The following TMED8 variants were observed in gnomAD, a reference collection of about 807,000 sequenced individuals.
TMED8 encodes the protein protein TMED8.
Under a neutral mutation model 32.7 loss-of-function variants are expected in TMED8, and 15 were observed. The observed-to-expected ratio is 0.46, with a 90% CI of 0.31 to 0.71. TMED8 has a LOEUF of 0.71. Ranked by LOEUF, TMED8 falls within the 30% of genes least tolerant of loss-of-function variation. TMED8 has a pLI of 0.06. For synonymous variants in TMED8, 147 were observed against 161.4 expected (o/e 0.91, Z 0.68); for missense variants, 390 against 423.9 (o/e 0.92, Z 0.70).
Position 77,337,954 on chromosome 14 carries a change from C to T in TMED8, c.*3817G>A, listed in dbSNP as rs181907703. On this transcript the variant is annotated 3_prime_UTR_variant, in exon 6 of 6. Transcript: ENST00000216468. Reference sequence around the variant, plus strand: ...AAAAATAAATTCTAAATCCCCCAACCGGCTGAATGGACCCCTGTCTTGGCC... The same window carrying T: ...AAAAATAAATTCTAAATCCCCCAACTGGCTGAATGGACCCCTGTCTTGGCC... 1.7e-4 allele frequency: 26 copies of T among 152,178 alleles called. No homozygotes were observed. Among genetic ancestry groups the T allele is most frequent in the African/African-American group, 4.6e-4 (19 of 41,502 alleles). 9.4% of individuals were successfully genotyped at this position (152,178 alleles called of 1,614,324 possible).
chr14:77,373,332 A>G (rs1338649413), intron 1 of TMED8, among the ~76,000 whole-genome samples: 2 of 151,954 alleles, frequency 1.3e-5, no homozygotes, highest in African/African-American at 4.8e-5. Flanking sequence ...AAACAAAAAA[A>G]CCTGCCTTTA....
In TMED8 at chr14:77,346,225, A is replaced by G. The variant is rs1320422106; in HGVS notation, c.327+124T>C. 7 of 1,009,974 alleles carry G rather than the reference A, an allele frequency of 6.9e-6. No homozygotes were observed. In the African/African-American group the frequency reaches 9.7e-5, roughly 14 times the overall value. The allele number at this position is 1,009,974 out of a possible 1,614,324, so 62.6% of individuals were successfully genotyped here. A position where few individuals can be genotyped will look rare whatever the true frequency, so the allele number is the denominator to read the frequency against. On this transcript the variant is annotated intron_variant, in intron 3 of 5. Transcript: ENST00000216468. Reference sequence around the variant, plus strand: ...AATAATGAAGACCAAGATGCCCTAAATTAGAGGGCAAAGAGAGAATTCCGG... The same window carrying G: ...AATAATGAAGACCAAGATGCCCTAAGTTAGAGGGCAAAGAGAGAATTCCGG...
At chr14:77,348,702 G>A (rs1014977256) in intron 2 of TMED8, among the ~76,000 whole-genome samples, 2 of 151,906 alleles carry the variant, frequency 1.3e-5, no homozygotes, top group Non-Finnish European at 2.9e-5. Context: ...TGGGGGAAAC[G>A]GAGGCTTCAT....
chr14:77,353,891 A>T (rs778879040), intron 1 of TMED8, among the ~76,000 whole-genome samples: 17 of 152,126 alleles, frequency 1.1e-4, no homozygotes, highest in Non-Finnish European at 2.4e-4. Flanking sequence ...AGGCCCATTC[A>T]CTGAGGGAAA....
chr14:77,363,170 T>C (rs1893475188), intron 1 of TMED8, among the ~76,000 whole-genome samples: 2 of 152,186 alleles, frequency 1.3e-5, no homozygotes, highest in African/African-American at 4.8e-5. Flanking sequence ...TTCTTCTCCA[T>C]TGCATATGTA....
rs1233136524 is a variant in TMED8, at chr14:77,335,861, G to C, written c.*5910C>G. The C allele has an allele frequency of 6.6e-6, 1 of 152,180 alleles. No homozygotes were observed. Among genetic ancestry groups the C allele is most frequent in the Non-Finnish European group, 1.5e-5 (1 of 68,020 alleles). The allele number at this position is 152,180 out of a possible 1,614,324, so 9.4% of individuals were successfully genotyped here. On this transcript the variant is annotated 3_prime_UTR_variant, in exon 6 of 6. Transcript: ENST00000216468. ...TACTTCACTTACAGGATAATCTCAG[G>C]AGACATGAGTGGAGTTTTTCATATG...
chr14:77,366,539 C>T (rs1185234678), intron 1 of TMED8, among the ~76,000 whole-genome samples: 3 of 152,190 alleles, frequency 2.0e-5, no homozygotes, highest in Non-Finnish European at 4.4e-5. Flanking sequence ...CTGCTTAAGA[C>T]AGCCAGAATT....
At chr14:77,355,271 C>T (rs1735435189) in intron 1 of TMED8, among the ~76,000 whole-genome samples, 2 of 151,120 alleles carry the variant, frequency 1.3e-5, no homozygotes, top group Admixed American at 1.3e-4. Context: ...TCTCAGCTCA[C>T]TGCAACCTCT....
rs535047913 is a variant in TMED8, at chr14:77,376,886, G to T, written c.118+50C>A. On this transcript the variant is annotated intron_variant, in intron 1 of 5. Transcript: ENST00000216468. This position sits in a 1 kb window ranked among gnomAD's most constrained non-coding sequence, Gnocchi z 4.0. Reference sequence around the variant, plus strand: ...GGCGGAGGCTCGCGCCGTGGTGCGGGGCCCTGAGGCCGGGCGGCACCCACC... The same window carrying T: ...GGCGGAGGCTCGCGCCGTGGTGCGGTGCCCTGAGGCCGGGCGGCACCCACC... 2 of 1,160,434 alleles carry T rather than the reference G, an allele frequency of 1.7e-6. No individual in the cohort carries two copies. The highest frequency in any genetic ancestry group is 1.1e-6 in the Non-Finnish European group (1 of 882,326). 71.9% of individuals were successfully genotyped at this position (1,160,434 alleles called of 1,614,324 possible). A position where few individuals can be genotyped will look rare whatever the true frequency, so the allele number is the denominator to read the frequency against.
Position 77,336,275 on chromosome 14 carries a change from G to C in TMED8, c.*5496C>G, listed in dbSNP as rs1892757531. The stretch of plus-strand genomic sequence containing the variant: ...ATAAACATGCATCTCTAGATTTCTA[G>C]GGCAACTTTTCATCATATCTTTGAA... On this transcript the variant is annotated 3_prime_UTR_variant, in exon 6 of 6. Transcript: ENST00000216468. 1 of 151,790 alleles carries C rather than the reference G, an allele frequency of 6.6e-6. No individual in the cohort carries two copies. Among genetic ancestry groups the C allele is most frequent in the African/African-American group, 2.4e-5 (1 of 41,286 alleles). 9.4% of individuals were successfully genotyped at this position (151,790 alleles called of 1,614,324 possible).
chr14:77,346,787 CATT>C (rs1230845231), intron 2 of TMED8, among the ~76,000 whole-genome samples: 51 of 47,216 alleles, frequency 1.1e-3, no homozygotes, highest in East Asian at 2.6e-3. Context: ...TTTTTTTTGT[CATT>C]GTTGTTTCTT....
At chr14:77,366,623 CTTAA>C (rs1473028343) in intron 1 of TMED8, among the ~76,000 whole-genome samples, 3 of 152,172 alleles carry the variant, frequency 2.0e-5, no homozygotes, top group Admixed American at 6.5e-5. Flanking sequence ...GAAATCTGAA[CTTAA>C]TTAAAGTACC....
intron 1 of TMED8, among the ~76,000 whole-genome samples, chr14:77,371,467 TTTC>T (rs1425182898): frequency 6.6e-6 from 1 of 152,242 alleles, no homozygotes; most frequent in Non-Finnish European, 1.5e-5. Context: ...TTTGATTTTT[TTTC>T]TTTCCATCCC....
intron 1 of TMED8, among the ~76,000 whole-genome samples, chr14:77,352,574 A>C (rs1304896199): frequency 6.6e-6 from 1 of 151,984 alleles, no homozygotes; most frequent in Non-Finnish European, 1.5e-5. Flanking sequence ...CCATGTCTCT[A>C]CTAAAAATAT....
chr14:77,353,518 C>T (rs1299370815), intron 1 of TMED8, among the ~76,000 whole-genome samples: 7 of 148,940 alleles, frequency 4.7e-5, no homozygotes, highest in African/African-American at 1.7e-4. Flanking sequence ...TTATGACTCT[C>T]GGCCTCTTGG....
At chr14:77,370,809 C>T (rs995664474) in intron 1 of TMED8, among the ~76,000 whole-genome samples, 3 of 151,586 alleles carry the variant, frequency 2.0e-5, no homozygotes, top group Non-Finnish European at 2.9e-5. Context: ...CATGCTTAGG[C>T]GTGGTGGTGC....
intron 1 of TMED8, among the ~76,000 whole-genome samples, chr14:77,368,333 G>A (rs1419929151): frequency 2.0e-5 from 3 of 152,210 alleles, no homozygotes; most frequent in East Asian, 3.9e-4. Flanking sequence ...TTTTTGGGGG[G>A]CCATTCTGGT....
chr14:77,356,198 A>G (rs971478853), intron 1 of TMED8, among the ~76,000 whole-genome samples: 1 of 152,206 alleles, frequency 6.6e-6, no homozygotes, highest in South Asian at 2.1e-4. Flanking sequence ...GAAAGATTGC[A>G]TGAAAAGAAG....
chr14:77,362,347 T>A (rs1202676298), intron 1 of TMED8, among the ~76,000 whole-genome samples: 1 of 152,206 alleles, frequency 6.6e-6, no homozygotes, highest in Non-Finnish European at 1.5e-5. Flanking sequence ...GGGTTTTTCA[T>A]AAGCAGTCTT....
Sources: allele counts gnomAD v4.1 joint callset (sites outside exome capture counted in the v4.1 genomes callset), GRCh38; gene constraint gnomAD v4.1.1; non-coding constraint Gnocchi (gnomAD v3.1); transcripts MANE v1.5; gene names NCBI Gene and HGNC (gene_info 2026-07-23, HGNC 2026-07-21).